Variants in ITPR1 observed in about 807,000 individuals in gnomAD.
ITPR1 encodes the protein inositol 1,4,5-trisphosphate receptor type 1.
ITPR1 carries 96 observed loss-of-function variants against 318.4 expected under a neutral mutation model. That is an observed-to-expected ratio of 0.30 (90% CI 0.26 to 0.36). The LOEUF is 0.36. Among genes scored for constraint, ITPR1 ranks in the 10% least tolerant of loss-of-function variants. The probability of loss-of-function intolerance (pLI) is 1.00; values close to 1 mark genes in which losing one functional copy is unlikely to be tolerated. For synonymous variants in ITPR1, 1,312 were observed against 1,289.9 expected, an observed-to-expected ratio of 1.02 and a Z score of -0.37; for missense variants, 2,440 against 3,460.2, an observed-to-expected ratio of 0.71 and a Z score of 7.40.
At chr3:4,586,544 C>T (rs1428015005) in intron 4 of ITPR1, among the ~76,000 whole-genome samples, 17 of 134,578 alleles carry the variant, frequency 1.3e-4, no homozygotes, top group Non-Finnish European at 2.0e-4. Context: ...AGGTCTTGCT[C>T]TGTCACCCAG....
intron 4 of ITPR1, among the ~76,000 whole-genome samples, chr3:4,616,927 G>A (rs957144262): frequency 2.6e-5 from 4 of 151,870 alleles, no homozygotes; most frequent in Non-Finnish European, 4.4e-5. Flanking sequence ...CGAGTGTTGC[G>A]TTGCCTCCAG....
chr3:4,726,341 TAAA>T (rs11294154), intron 41 of ITPR1, among the ~76,000 whole-genome samples: 7 of 146,280 alleles, frequency 4.8e-5, no homozygotes, highest in Middle Eastern at 3.5e-3. Flanking sequence ...ATGATGCAGT[TAAA>T]AAAAAAAAAA....
intron 17 of ITPR1, 87 bp from the exon 18 acceptor site, chr3:4,667,290 A>C: frequency 9.5e-7 from 1 of 1,047,248 alleles, no homozygotes; most frequent in Non-Finnish European, 1.4e-6. Flanking sequence ...AGTTCTCATC[A>C]GGAAACATTG....
rs1466245282 is a variant in ITPR1, at chr3:4,697,044, T to C, written c.4282-103T>C. On this transcript the variant is annotated intron_variant, in intron 33 of 61. Transcript: ENST00000649015. ...AGAAGTAAGACTTGGCAGTGGGGAA[T>C]GGGATGACCATTTTCATCGGTCCTT... is the stretch of plus-strand genomic sequence containing the variant. 5 of 989,626 alleles carry C rather than the reference T, an allele frequency of 5.1e-6. No homozygotes were observed. The East Asian group carries it at 7.7e-5, about 15-fold the overall frequency. 61.3% of individuals were successfully genotyped at this position (989,626 alleles called of 1,614,324 possible).
At chr3:4,647,450 ATGG>A (rs752214258) in intron 10 of ITPR1, among the ~76,000 whole-genome samples, 4 of 152,194 alleles carry the variant, frequency 2.6e-5, no homozygotes, top group Non-Finnish European at 4.4e-5. Flanking sequence ...TATGGTAGCC[ATGG>A]TATGGTATGG....
intron 44 of ITPR1, among the ~76,000 whole-genome samples, chr3:4,763,206 G>A (rs1490526238): frequency 6.6e-6 from 1 of 152,058 alleles, no homozygotes; most frequent in African/African-American, 2.4e-5. Flanking sequence ...TGTTGGGGGA[G>A]GCAGGAGTTG....
intron 35 of ITPR1, among the ~76,000 whole-genome samples, chr3:4,701,557 C>G (rs1392496385): frequency 6.6e-6 from 1 of 152,196 alleles, no homozygotes; most frequent in Non-Finnish European, 1.5e-5. Flanking sequence ...AAAGTACTTC[C>G]TGAAGAAGGC....
chr3:4,746,970 C>T (rs779416942), intron 44 of ITPR1, among the ~76,000 whole-genome samples: 17 of 152,150 alleles, frequency 1.1e-4, no homozygotes, highest in Admixed American at 2.0e-4. Context: ...GTGTGGCCAC[C>T]GTGTTACTTT....
chr3:4,717,347 T>C lies in ITPR1; in HGVS notation c.5104-20T>C, dbSNP rs530199131. 12 of 1,578,324 alleles carry C rather than the reference T, an allele frequency of 7.6e-6. No individual in the cohort carries two copies. Among genetic ancestry groups the C allele is most frequent in the Admixed American group, 6.7e-5 (4 of 59,904 alleles). Reference sequence around the variant, plus strand: ...TTCCTAACATTTCCTTCTCTCTCTCTCCCCTTTTTTCTTTTCCAGCTAATT... The same window carrying C: ...TTCCTAACATTTCCTTCTCTCTCTCCCCCCTTTTTTCTTTTCCAGCTAATT... On this transcript the variant is annotated intron_variant, in intron 39 of 61. Transcript: ENST00000649015.
rs2043929635 is a variant in ITPR1 at position 4,744,402 on chromosome 3, C to T, written c.5544+9048C>T. On this transcript the variant is annotated intron_variant, in intron 44 of 61. Transcript: ENST00000649015. ...AGTGTGAGATGCCTCTTGGGAACTG[C>T]CAGGCAGAGGATTGGTCAGTCTTCC... is the stretch of plus-strand genomic sequence containing the variant. 2.0e-5 allele frequency among the ~76,000 whole-genome samples: 3 copies of T among 152,296 alleles called. No individual in the cohort carries two copies. In the South Asian group the frequency reaches 6.2e-4, roughly 32 times the overall value.
Position 4,493,514 on chromosome 3 carries a change from C to T in ITPR1, c.-184C>T, listed in dbSNP as rs1483726508. 1 of 153,622 alleles carries T rather than the reference C, an allele frequency of 6.5e-6. No homozygotes were observed. The highest frequency in any genetic ancestry group is 6.5e-5 in the Admixed American group (1 of 15,286). 9.5% of individuals were successfully genotyped at this position (153,622 alleles called of 1,614,324 possible). A position where few individuals can be genotyped will look rare whatever the true frequency, so the allele number is the denominator to read the frequency against. Reference sequence around the variant, plus strand: ...TCCGCTTCCATCCTAACGGAACGAGCTCCCTCTTCGCGGACATGGGATTAC... The same window carrying T: ...TCCGCTTCCATCCTAACGGAACGAGTTCCCTCTTCGCGGACATGGGATTAC... On this transcript the variant is annotated 5_prime_UTR_variant, in exon 1 of 62. Transcript: ENST00000649015.
chr3:4,551,707 T>G (rs1271385538), intron 4 of ITPR1, among the ~76,000 whole-genome samples: 1 of 152,232 alleles, frequency 6.6e-6, no homozygotes, highest in Non-Finnish European at 1.5e-5. Flanking sequence ...CAGATAATAC[T>G]CCATGTATAT....
chr3:4,699,383 C>G (rs190883473), intron 34 of ITPR1, among the ~76,000 whole-genome samples: 1 of 151,946 alleles, frequency 6.6e-6, no homozygotes, highest in East Asian at 1.9e-4. Context: ...TGGAGACGGT[C>G]AGGTCCACAG....
intron 4 of ITPR1, among the ~76,000 whole-genome samples, chr3:4,537,844 ATTAT>A (rs1403995173): frequency 7.9e-5 from 12 of 152,142 alleles, no homozygotes; most frequent in African/African-American, 2.9e-4. Context: ...TACGTTTTTG[ATTAT>A]TTGTTATAGC....
chr3:4,570,723 T>G (rs1376390277), intron 4 of ITPR1, among the ~76,000 whole-genome samples: 1 of 152,238 alleles, frequency 6.6e-6, no homozygotes, highest in Non-Finnish European at 1.5e-5. Flanking sequence ...TATCAATTAC[T>G]TACCGTCCAT....
Position 4,806,246 on chromosome 3 carries a change from T to C in ITPR1, c.7251T>C (p.His2417=). 3 of 1,614,048 alleles carry C rather than the reference T, an allele frequency of 1.9e-6. No homozygotes were observed. The highest frequency in any genetic ancestry group is 1.3e-5 in the African/African-American group (1 of 75,074). Residue 2417 remains histidine (H), a synonymous_variant, in exon 55 of 62, where the codon CAT becomes CAC. Transcript: ENST00000649015. The part of the protein sequence containing the change: ...LVICAMGLFV[H]EFFYSLLLFD... ...TCTGTGCCATGGGGCTCTTTGTCCA[T>C]GAATTCTTCTACAGTCTGCTGGTGA...
intron 4 of ITPR1, among the ~76,000 whole-genome samples, chr3:4,573,885 T>TC (rs1227998316): frequency 6.6e-6 from 1 of 152,244 alleles, no homozygotes; most frequent in African/African-American, 2.4e-5. Context: ...ATGGCTGTTT[T>TC]CCCCAAGAGA....
intron 59 of ITPR1, 88 bp from the exon 60 acceptor site, chr3:4,817,994 C>A: frequency 9.3e-7 from 1 of 1,076,114 alleles, no homozygotes. Flanking sequence ...AAACCACAGC[C>A]CCCTTTCTAC....
intron 2 of ITPR1, among the ~76,000 whole-genome samples, chr3:4,514,573 G>T (rs2082054993): frequency 6.6e-6 from 1 of 152,118 alleles, no homozygotes; most frequent in African/African-American, 2.4e-5. Context: ...TTATCTGAAG[G>T]GTGATCCTGA....
Sources: gnomAD v4.1 joint callset for allele counts (sites outside exome capture counted in the v4.1 genomes callset) on GRCh38, gnomAD v4.1.1 for gene constraint, MANE v1.5 for transcripts, NCBI Gene and HGNC (gene_info 2026-07-23, HGNC 2026-07-21) for gene names.